The following SRGAP2B variants were observed in gnomAD, a reference collection of about 807,000 sequenced individuals.
The protein encoded by SRGAP2B is SLIT-ROBO Rho GTPase activating protein 2B.
Under a neutral mutation model 22.2 loss-of-function variants are expected in SRGAP2B, and 9 were observed. The observed-to-expected ratio is 0.41, with a 90% CI of 0.24 to 0.71. The LOEUF is 0.71. SRGAP2B is among the 30% of genes least tolerant of loss of function. SRGAP2B has a pLI of 0.35. For missense variants in SRGAP2B, 114 were observed against 235.8 expected, an observed-to-expected ratio of 0.48 and a Z score of 3.38; for synonymous variants, 36 against 87.4, an observed-to-expected ratio of 0.41 and a Z score of 3.28.
At chr1:144,930,844 T>G (rs1423234156) in intron 4 of SRGAP2B, among the ~76,000 whole-genome samples, 2 of 149,594 alleles carry the variant, frequency 1.3e-5, no homozygotes, top group Non-Finnish European at 2.9e-5. Context: ...TACCCTGTCC[T>G]GGAATTAGAG....
chr1:144,905,537 C>T (rs1400949052), intron 6 of SRGAP2B, among the ~76,000 whole-genome samples: 1 of 148,758 alleles, frequency 6.7e-6, no homozygotes, highest in African/African-American at 2.5e-5. Context: ...ATACCTGAAA[C>T]CAAATCCTGG....
intron 4 of SRGAP2B, among the ~76,000 whole-genome samples, chr1:144,923,404 T>C (rs1664399894): frequency 6.7e-6 from 1 of 150,176 alleles, no homozygotes; most frequent in African/African-American, 2.5e-5. Flanking sequence ...TGAAGATGAG[T>C]GATCACCCCA....
intron 4 of SRGAP2B, among the ~76,000 whole-genome samples, chr1:144,915,639 T>G (rs1570734492): frequency 1.3e-5 from 2 of 151,106 alleles, no homozygotes; most frequent in South Asian, 4.2e-4. Context: ...GGCAGGAGAA[T>G]TGCTTGAACC....
intron 2 of SRGAP2B, among the ~76,000 whole-genome samples, chr1:145,066,592 A>C (rs521928): frequency 6.7e-6 from 1 of 150,260 alleles, no homozygotes; most frequent in Non-Finnish European, 1.5e-5. Context: ...TGTTCTTTCT[A>C]CTTGCTTCAG....
At chr1:144,939,308 T>C (rs587767234) in intron 4 of SRGAP2B, among the ~76,000 whole-genome samples, 1 of 149,582 alleles carries the variant, frequency 6.7e-6, no homozygotes, top group Non-Finnish European at 1.5e-5. Flanking sequence ...TTCTGTAAGA[T>C]AAGAAACAGA....
chr1:144,968,707 C>T (rs1376013966), intron 3 of SRGAP2B, among the ~76,000 whole-genome samples: 1 of 110,930 alleles, frequency 9.0e-6, no homozygotes, highest in Non-Finnish European at 1.8e-5. Flanking sequence ...CAAATTGTCC[C>T]TGTTTGCAGA....
intron 4 of SRGAP2B, among the ~76,000 whole-genome samples, chr1:144,917,543 G>A (rs1663944877): frequency 1.4e-5 from 2 of 142,128 alleles, no homozygotes; most frequent in Admixed American, 1.4e-4. Flanking sequence ...CAGAGTGGGG[G>A]ATGGGGGAAG....
At chr1:145,019,615 T>A (rs1484041953) in intron 2 of SRGAP2B, among the ~76,000 whole-genome samples, 2 of 88,070 alleles carry the variant, frequency 2.3e-5, no homozygotes, top group Non-Finnish European at 4.5e-5. Context: ...GTTCCAGGTC[T>A]CTAGTAAGGC....
chr1:144,971,471 C>T (rs1668517304), intron 3 of SRGAP2B, among the ~76,000 whole-genome samples: 1 of 150,320 alleles, frequency 6.7e-6, no homozygotes. Context: ...GCTCTGTTGC[C>T]CAGGTTGGAG....
chr1:145,012,718 A>G (rs1428638679), intron 2 of SRGAP2B, among the ~76,000 whole-genome samples: 1 of 131,180 alleles, frequency 7.6e-6, no homozygotes, highest in Non-Finnish European at 1.6e-5. Context: ...ACTCCCCACT[A>G]TAATATTTTT....
intron 4 of SRGAP2B, among the ~76,000 whole-genome samples, chr1:144,952,595 G>A (rs1169102021): frequency 2.7e-5 from 4 of 149,950 alleles, no homozygotes; most frequent in African/African-American, 1.0e-4. Context: ...AAACCATCAG[G>A]GTCTCTCTCT....
At chr1:145,069,918 A>C (rs1651952697) in intron 2 of SRGAP2B, among the ~76,000 whole-genome samples, 1 of 149,344 alleles carries the variant, frequency 6.7e-6, no homozygotes, top group Admixed American at 6.7e-5. Context: ...GGTTTTAAGC[A>C]GGTTAATGAA....
At chr1:144,969,403 C>T (rs1427531220) in intron 3 of SRGAP2B, among the ~76,000 whole-genome samples, 5 of 116,346 alleles carry the variant, frequency 4.3e-5, no homozygotes, top group East Asian at 2.4e-4. Flanking sequence ...AAAGGATTCC[C>T]TATTTAATAA....
chr1:144,988,817 G>A (rs1388797699), intron 3 of SRGAP2B, among the ~76,000 whole-genome samples: 1 of 146,868 alleles, frequency 6.8e-6, no homozygotes, highest in Non-Finnish European at 1.5e-5. Context: ...ATTCAAAACA[G>A]ATCTTCCCTC....
Position 144,955,398 on chromosome 1 carries a change from T to C in SRGAP2B, c.423+41A>G, listed in dbSNP as rs74116451. 6,392 of 1,537,032 alleles carry C rather than the reference T, an allele frequency of 4.2e-3. 449 individuals carry two copies. The African/African-American group carries it at 0.079, about 19-fold the overall frequency. On this transcript the variant is annotated intron_variant, in intron 4 of 9. Coordinates refer to ENST00000612199, the Ensembl canonical transcript of SRGAP2B. The stretch of plus-strand genomic sequence containing the variant: ...TAATAGGATTTTAAAAATTGTGTCA[T>C]TGCTCCACCCAAGAACCTCTGTGAA...
In SRGAP2B at chr1:144,998,447, CT is replaced by C. The variant is rs201203993; in HGVS notation, c.68-3248del. On this transcript the variant is annotated intron_variant, in intron 2 of 9. Coordinates refer to ENST00000612199, the Ensembl canonical transcript of SRGAP2B. ...CAGTAAGAAAGCAATATCCCCACCC[CT>C]GATCCAGGAAAAAAAAGAGGCTCTG... is the stretch of plus-strand genomic sequence containing the variant. Among the ~76,000 whole-genome samples, 373 of 134,664 alleles carry C rather than the reference CT, an allele frequency of 2.8e-3. 5 individuals carry two copies. The East Asian group carries it at 0.038, about 14-fold the overall frequency. The allele number at this position is 134,664 out of a possible 152,430, so 88.3% of individuals were successfully genotyped here. A position where few individuals can be genotyped will look rare whatever the true frequency, so the allele number is the denominator to read the frequency against.
intron 3 of SRGAP2B, among the ~76,000 whole-genome samples, chr1:144,976,345 A>G (rs1264342365): frequency 7.0e-6 from 1 of 143,874 alleles, no homozygotes; most frequent in Non-Finnish European, 1.5e-5. Context: ...AAAGATACTG[A>G]TATGATCTCA....
rs587715573 is a variant in SRGAP2B, at chr1:144,992,018, T to C, written c.260+2990A>G. Among the ~76,000 whole-genome samples, 183 of 148,674 alleles carry C rather than the reference T, an allele frequency of 1.2e-3. 14 individuals are homozygous for C. Among genetic ancestry groups the C allele is most frequent in the African/African-American group, 4.6e-3 (179 of 39,000 alleles). On this transcript the variant is annotated intron_variant, in intron 3 of 9. Coordinates refer to ENST00000612199, the Ensembl canonical transcript of SRGAP2B. ...GCTCACTTTTTGGGTCCATGCTGCT[T>C]TTATGAGCTGTAACACTCACTGCAA...
chr1:145,062,987 C>T (rs6701229), intron 2 of SRGAP2B, among the ~76,000 whole-genome samples: 2,459 of 149,582 alleles, frequency 0.016, 170 homozygotes, highest in African/African-American at 0.059. Flanking sequence ...TAGAGTAAGT[C>T]GTATTAACGA....
Sources: gnomAD v4.1 joint callset for allele counts (sites outside exome capture counted in the v4.1 genomes callset) on GRCh38, gnomAD v4.1.1 for gene constraint, MANE v1.5 for transcripts, NCBI Gene and HGNC (gene_info 2026-07-23, HGNC 2026-07-21) for gene names.